The following SOX6 variants were observed in gnomAD, a reference collection of about 807,000 sequenced individuals.
SOX6 encodes the protein transcription factor SOX-6.
SOX6 carries 11 observed loss-of-function variants against 97.8 expected under a neutral mutation model. The ratio of observed to expected loss-of-function variants is 0.11; its 90% CI spans 0.07 to 0.19. SOX6 has a LOEUF of 0.19. Among genes scored for constraint, SOX6 ranks in the 10% least tolerant of loss-of-function variants. The pLI, the probability that SOX6 is intolerant of heterozygous loss-of-function variation, is 1.00. For synonymous variants in SOX6, 360 were observed against 371.4 expected, an observed-to-expected ratio of 0.97 and a Z score of 0.35; for missense variants, 810 against 1,039.5, an observed-to-expected ratio of 0.78 and a Z score of 3.04.
intron 3 of SOX6, among the ~76,000 whole-genome samples, chr11:16,631,324 T>C (rs1848703945): frequency 6.6e-6 from 1 of 152,210 alleles, no homozygotes; most frequent in Non-Finnish European, 1.5e-5. Flanking sequence ...AAATATTTTT[T>C]ATTTCTCTTT....
intron 4 of SOX6, among the ~76,000 whole-genome samples, chr11:16,192,292 T>A (rs1281944961): frequency 6.6e-6 from 1 of 152,220 alleles, no homozygotes; most frequent in Admixed American, 6.5e-5. Context: ...CCTTTGGCTC[T>A]ATCACAAAAT....
At chr11:16,186,660 T>A in intron 5 of SOX6, 123 bp downstream of exon 5, 1 of 1,265,766 alleles carries the variant, frequency 7.9e-7, no homozygotes, top group Non-Finnish European at 1.1e-6. Context: ...TTTTTCCATC[T>A]TTTCTTATTT....
At chr11:16,708,705 A>G (rs952271100) in intron 3 of SOX6, among the ~76,000 whole-genome samples, 2 of 152,204 alleles carry the variant, frequency 1.3e-5, no homozygotes, top group Admixed American at 6.5e-5. Context: ...ATCCTCATAG[A>G]GCCTAACATA....
intron 2 of SOX6, among the ~76,000 whole-genome samples, chr11:16,320,440 A>G (rs974542931): frequency 2.0e-5 from 3 of 152,140 alleles, no homozygotes; most frequent in South Asian, 2.1e-4. Flanking sequence ...AATGCTAGGT[A>G]TTTCGGATTA....
chr11:16,430,966 C>T (rs1366350503), intron 1 of SOX6, among the ~76,000 whole-genome samples: 1 of 152,138 alleles, frequency 6.6e-6, no homozygotes, highest in Non-Finnish European at 1.5e-5. Flanking sequence ...TATGCCTGTC[C>T]TCATTGATCA....
chr11:16,522,158 A>G (rs1861077303), intron 4 of SOX6, among the ~76,000 whole-genome samples: 1 of 152,176 alleles, frequency 6.6e-6, no homozygotes, highest in South Asian at 2.1e-4. Context: ...CAAGAAGAGC[A>G]ACTCCAAGAC....
At chr11:16,332,183 A>G (rs1252187165) in intron 2 of SOX6, among the ~76,000 whole-genome samples, 2 of 152,184 alleles carry the variant, frequency 1.3e-5, no homozygotes, top group African/African-American at 4.8e-5. Context: ...AATATAACTG[A>G]AAGTCATATA....
chr11:16,092,927 T>C (rs1053528862), intron 9 of SOX6, among the ~76,000 whole-genome samples: 6 of 151,904 alleles, frequency 3.9e-5, no homozygotes, highest in African/African-American at 1.4e-4. Flanking sequence ...CATCACTATT[T>C]AAAGGCTAAA....
At chr11:16,681,890 C>T (rs2134030281) in intron 3 of SOX6, among the ~76,000 whole-genome samples, 1 of 152,316 alleles carries the variant, frequency 6.6e-6, no homozygotes, top group South Asian at 2.1e-4. Flanking sequence ...TCGACACATA[C>T]ACCCTGCTAA....
intron 4 of SOX6, among the ~76,000 whole-genome samples, chr11:16,569,635 A>G (rs1847915174): frequency 6.6e-6 from 1 of 152,080 alleles, no homozygotes; most frequent in East Asian, 1.9e-4. Flanking sequence ...AAATGAGACT[A>G]TTAAAATGAT....
intron 3 of SOX6, among the ~76,000 whole-genome samples, chr11:16,684,914 C>G (rs1044875083): frequency 1.3e-5 from 2 of 152,112 alleles, no homozygotes; most frequent in Non-Finnish European, 2.9e-5. Flanking sequence ...CGAGCTTTTA[C>G]TTATGGCAGG....
At chr11:16,491,537 G>A (rs5001406) in intron 4 of SOX6, among the ~76,000 whole-genome samples, 1 of 151,754 alleles carries the variant, frequency 6.6e-6, no homozygotes, top group African/African-American at 2.4e-5. Flanking sequence ...GTGTCTGTGT[G>A]TGTGTGCCTA....
At chr11:16,712,184 T>C (rs1848186865) in intron 3 of SOX6, among the ~76,000 whole-genome samples, 1 of 151,830 alleles carries the variant, frequency 6.6e-6, no homozygotes, top group Non-Finnish European at 1.5e-5. Context: ...GATTTTGCAA[T>C]TGTGAATTGT....
At chr11:16,198,230 CTT>C (rs71455880) in intron 4 of SOX6, among the ~76,000 whole-genome samples, 4 of 48,352 alleles carry the variant, frequency 8.3e-5, no homozygotes, top group Admixed American at 2.2e-4. Context: ...ATTTTTTTTT[CTT>C]TTTTTTTTTT....
intron 3 of SOX6, among the ~76,000 whole-genome samples, chr11:16,283,019 G>GTATATATATATATA (rs10581082): frequency 7.5e-6 from 1 of 133,166 alleles, no homozygotes; most frequent in African/African-American, 2.8e-5. Flanking sequence ...TGAGATGTGA[G>GTATATATATATATA]TATATATATA....
chr11:16,572,225 ATTAT>A (rs769231145), intron 4 of SOX6, among the ~76,000 whole-genome samples: 1 of 152,196 alleles, frequency 6.6e-6, no homozygotes, highest in Non-Finnish European at 1.5e-5. Context: ...ATTTTAACAT[ATTAT>A]TTATTTACTT....
chr11:16,563,517 C>A (rs1357894714), intron 4 of SOX6, among the ~76,000 whole-genome samples: 1 of 151,952 alleles, frequency 6.6e-6, no homozygotes, highest in East Asian at 1.9e-4. Context: ...ATGGAAAGCA[C>A]CAAATCAGTG....
chr11:16,559,483 G>A (rs2133190260), intron 4 of SOX6, among the ~76,000 whole-genome samples: 1 of 151,132 alleles, frequency 6.6e-6, no homozygotes, highest in East Asian at 2.2e-4. Context: ...ACCTTTGATT[G>A]GAACCACAAG....
At chr11:16,308,821 G>A (rs1855512634) in intron 3 of SOX6, among the ~76,000 whole-genome samples, 1 of 152,108 alleles carries the variant, frequency 6.6e-6, no homozygotes, top group Non-Finnish European at 1.5e-5. Context: ...GAAGAACGAC[G>A]ATATTCTTGT....
Sources: gnomAD v4.1 joint callset for allele counts (sites outside exome capture counted in the v4.1 genomes callset) on GRCh38, gnomAD v4.1.1 for gene constraint, MANE v1.5 for transcripts, NCBI Gene and HGNC (gene_info 2026-07-23, HGNC 2026-07-21) for gene names.